The following COQ8A variants were observed in gnomAD, a reference collection of about 807,000 sequenced individuals.
The protein encoded by COQ8A is coenzyme Q8A.
In COQ8A, 51 loss-of-function variants were observed where a neutral mutation model predicts 65.0. The ratio of observed to expected loss-of-function variants is 0.78; its 90% confidence interval spans 0.63 to 0.99. The LOEUF is 0.99. Among genes scored for constraint, COQ8A ranks in the 50% least tolerant of loss-of-function variants. The probability of loss-of-function intolerance (pLI) is 0.00; values close to 1 mark genes in which losing one functional copy is unlikely to be tolerated. For missense variants in COQ8A, 940 were observed against 875.0 expected (o/e 1.07, Z -0.94); for synonymous variants, 371 against 353.2 (o/e 1.05, Z -0.57).
intron 4 of COQ8A, among the ~76,000 whole-genome samples, chr1:226,966,229 G>A (rs2154367): frequency 0.25 from 37,662 of 152,170 alleles, 5,010 homozygotes; most frequent in East Asian, 0.4. Flanking sequence ...CATGAGTGGA[G>A]TGACAAGATG....
rs372935246 is a variant in COQ8A, at chr1:226,961,530, G to A, written c.145G>A (p.Glu49Lys). 23 of 1,613,430 alleles carry A rather than the reference G, an allele frequency of 1.4e-5. No individual in the cohort carries two copies. Among genetic ancestry groups the A allele is most frequent in the Non-Finnish European group, 1.8e-5 (21 of 1,179,716 alleles). The change falls in exon 2 of 15, where the codon GAG (glutamate) becomes AAG (lysine). Residue 49 changes from glutamate to lysine, a missense_variant. Coordinates refer to ENST00000366777, the MANE Select transcript of COQ8A (RefSeq NM_020247.5). ...AARALQSTAV[E>K]QIGMFLGKVQ... ...CAGGGCCCTGCAGTCCACGGCTGTGGAGCAGATTGGCATGTTCTTGGGGAA... is the reference window on the plus strand; with the variant it reads ...CAGGGCCCTGCAGTCCACGGCTGTGAAGCAGATTGGCATGTTCTTGGGGAA...
intron 4 of COQ8A, among the ~76,000 whole-genome samples, chr1:226,973,830 T>G (rs1659037518): frequency 6.6e-6 from 1 of 152,258 alleles, no homozygotes; most frequent in African/African-American, 2.4e-5. Context: ...GATGCCTCAG[T>G]AAAAGCTGGG....
At chr1:226,964,899 G>A in intron 2 of COQ8A, 101 bp from the exon 3 acceptor site, 1 of 1,367,586 alleles carries the variant, frequency 7.3e-7, no homozygotes, top group Non-Finnish European at 1.0e-6. Context: ...GTGGGAGGGG[G>A]CGGGATGCTG....
chr1:226,967,489 T>C (rs1658637998), intron 4 of COQ8A, among the ~76,000 whole-genome samples: 1 of 152,070 alleles, frequency 6.6e-6, no homozygotes, highest in South Asian at 2.1e-4. Context: ...TAGGGAAAAG[T>C]GGTCAGAATG....
chr1:226,947,645 A>G (rs1376374545), intron 1 of COQ8A, among the ~76,000 whole-genome samples: 1 of 152,108 alleles, frequency 6.6e-6, no homozygotes, highest in African/African-American at 2.4e-5. Context: ...TGTCTCTACT[A>G]AAAATACAAA....
At chr1:226,960,325 GGTA>G (rs1432082928) in intron 1 of COQ8A, among the ~76,000 whole-genome samples, 1 of 126,478 alleles carries the variant, frequency 7.9e-6, no homozygotes, top group South Asian at 2.6e-4. Flanking sequence ...ACTTGGTGGT[GGTA>G]TCAGTGGTAC....
At chr1:226,956,046 TCACTCTCCCTGGCTCC>T (rs1657720315) in intron 1 of COQ8A, among the ~76,000 whole-genome samples, 3 of 80,124 alleles carry the variant, frequency 3.7e-5, no homozygotes, top group South Asian at 1.0e-3. Flanking sequence ...TCCCTGGCTC[TCACTCTCCCTGGCTCC>T]CACTCTCCCT....
chr1:226,953,002 G>A (rs16846735), intron 1 of COQ8A, among the ~76,000 whole-genome samples: 26,923 of 150,174 alleles, frequency 0.18, 2,536 homozygotes, highest in Non-Finnish European at 0.22. Flanking sequence ...TTATTTGTCA[G>A]TAAACACCTT....
In COQ8A at chr1:226,949,938, A is replaced by G. The variant is rs1473043340; in HGVS notation, c.-10+9539A>G. On this transcript the variant is annotated intron_variant, in intron 1 of 14. Coordinates refer to ENST00000366777, the MANE Select transcript of COQ8A (RefSeq NM_020247.5). The surrounding 1 kb of genome is among the most constrained non-coding windows in gnomAD (Gnocchi z 4.0). ...AGTGGCAGAGTCATGATGTGAACCC[A>G]GATCACCTAACCTCAGAGCATCTTA... is the stretch of plus-strand genomic sequence containing the variant. 1.3e-5 allele frequency among the ~76,000 whole-genome samples: 2 copies of G among 152,240 alleles called. No homozygotes were observed. The highest frequency in any genetic ancestry group is 2.9e-5 in the Non-Finnish European group (2 of 68,040).
Position 226,986,470 on chromosome 1 carries a change from C to G in COQ8A, c.1677C>G (p.His559Gln), listed in dbSNP as rs200963031. The change falls in exon 15 of 15, where the codon CAC becomes CAG. Residue 559 changes from histidine to glutamine, a missense_variant. Coordinates refer to ENST00000366777, the MANE Select transcript of COQ8A (RefSeq NM_020247.5). ...TGCCCCAGGTCATGGAAGACGCCCA[C>G]TTGGATGCCATCCTCATCCTGGGGG... ...GYEVKVMEDA[H>Q]LDAILILGEA... 249 of 1,612,888 alleles carry G rather than the reference C, an allele frequency of 1.5e-4. No homozygotes were observed. The highest frequency in any genetic ancestry group is 5.8e-5 in the Non-Finnish European group (69 of 1,180,006).
Position 226,986,511 on chromosome 1 carries a change from A to T in COQ8A, c.1718A>T (p.Asp573Val). The part of the protein sequence containing the change: ...ILILGEAFAS[D>V]EPFDFGTQST... ...ATCCTGGGGGAGGCCTTCGCCTCTG[A>T]TGAGCCTTTTGATTTTGGCACTCAG... The change falls in exon 15 of 15, where the codon GAT (aspartate) becomes GTT (valine). Residue 573 changes from aspartate (D) to valine (V), a missense_variant. Coordinates refer to ENST00000366777, the MANE Select transcript of COQ8A (RefSeq NM_020247.5). 1 of 1,613,552 alleles carries T rather than the reference A, an allele frequency of 6.2e-7. No individual in the cohort carries two copies. The highest frequency in any genetic ancestry group is 8.5e-7 in the Non-Finnish European group (1 of 1,179,960).
chr1:226,976,466 G>A (rs1659240101), intron 4 of COQ8A, among the ~76,000 whole-genome samples: 1 of 152,174 alleles, frequency 6.6e-6, no homozygotes, highest in Admixed American at 6.5e-5. Context: ...CCGGGTGCGG[G>A]GTGCGGGGCT....
intron 5 of COQ8A, among the ~76,000 whole-genome samples, chr1:226,977,964 C>T (rs1659352570): frequency 6.6e-6 from 1 of 150,612 alleles, no homozygotes; most frequent in South Asian, 2.1e-4. Flanking sequence ...CTTACATACC[C>T]CTTGCACACC....
rs777564457 is a variant in COQ8A at position 226,982,746 on chromosome 1, C to T, written c.922C>T (p.Pro308Ser). The T allele has an allele frequency of 1.2e-6, 2 of 1,613,668 alleles. No homozygotes were observed. The highest frequency in any genetic ancestry group is 1.1e-5 in the South Asian group (1 of 91,084). Residue 308 changes from proline (P) to serine (S), a missense_variant, in exon 7 of 15, where the codon CCA (proline) becomes TCA (serine). Pro to Ser is a moderately conservative substitution (Grantham distance 74, BLOSUM62 -1). Transcript: ENST00000366777. ...ERVRQSADFM[P>S]LKQMMKTLNN... The stretch of plus-strand genomic sequence containing the variant: ...GGTGCGGCAGAGCGCGGACTTCATG[C>T]CACTGAAGCAGATGATGGTGAGGAG...
Position 226,965,041 on chromosome 1 carries a change from C to T in COQ8A, c.219C>T (p.Gly73=), listed in dbSNP as rs377201559. 2.9e-5 allele frequency: 47 copies of T among 1,614,012 alleles called. No homozygotes were observed. Among genetic ancestry groups the T allele is most frequent in the East Asian group, 1.6e-4 (7 of 44,870 alleles). The change falls in exon 3 of 15, where the codon GGC becomes GGT. Residue 73 remains glycine (G), a synonymous_variant. Transcript: ENST00000366777. ...KHEEYFAENF[G]GPEGEFHFSV... is the part of the protein sequence containing the mutation. ...AAGAATATTTTGCTGAGAACTTCGG[C>T]GGCCCAGAAGGGGAGTTCCACTTCT...
intron 1 of COQ8A, among the ~76,000 whole-genome samples, chr1:226,943,025 C>T (rs1656796989): frequency 6.6e-6 from 1 of 152,172 alleles, no homozygotes; most frequent in South Asian, 2.1e-4. Context: ...CTTTTTCTTG[C>T]TGTTTTGATC....
intron 9 of COQ8A, 36 bp from the exon 10 acceptor site, chr1:226,983,725 C>A (rs747183826): frequency 5.6e-6 from 9 of 1,612,120 alleles, no homozygotes; most frequent in Non-Finnish European, 7.6e-6. Flanking sequence ...CCCTGCAGAG[C>A]CCCCTTCCTC....
Position 226,984,093 on chromosome 1 carries a change from G to A in COQ8A, c.1257-1G>A. 1 of 1,613,412 alleles carries A rather than the reference G, an allele frequency of 6.2e-7. No individual in the cohort carries two copies. The highest frequency in any genetic ancestry group is 8.5e-7 in the Non-Finnish European group (1 of 1,179,976). On this transcript the variant is annotated splice_acceptor_variant, in intron 10 of 14. Coordinates refer to ENST00000366777, the MANE Select transcript of COQ8A (RefSeq NM_020247.5). LOFTEE classifies it high-confidence loss of function. ...GGGCGTGACCTCCCTCCCCTACCCA[G>A]GGACCTGCTGAAGGGCCACCCCTTC...
chr1:226,948,982 C>T (rs562516913), intron 1 of COQ8A, among the ~76,000 whole-genome samples: 13 of 152,034 alleles, frequency 8.6e-5, no homozygotes, highest in Non-Finnish European at 1.9e-4. Context: ...ACCATCATTT[C>T]GAGGAGAGGA....
Sources: gnomAD v4.1 joint callset for allele counts (sites outside exome capture counted in the v4.1 genomes callset) on GRCh38, gnomAD v4.1.1 for gene constraint, Gnocchi (gnomAD v3.1) non-coding constraint, MANE v1.5 for transcripts, NCBI Gene and HGNC (gene_info 2026-07-23, HGNC 2026-07-21) for gene names.